GPR39: variants seen among roughly 807,000 people sequenced by gnomAD.
GPR39 encodes the protein G protein-coupled receptor 39.
GPR39 carries 23 observed loss-of-function variants against 18.4 expected under a neutral mutation model. The ratio of observed to expected loss-of-function variants is 1.25; its 90% CI spans 0.90 to 1.77. The LOEUF is 1.77. GPR39 is among the 40% of genes most tolerant of loss of function. GPR39 has a pLI of 0.00. For missense variants in GPR39, 647 were observed against 602.4 expected (o/e 1.07, Z -0.78); for synonymous variants, 280 against 257.9 (o/e 1.09, Z -0.82).
chr2:132,428,670 T>C (rs1310071747), intron 1 of GPR39, among the ~76,000 whole-genome samples: 3 of 152,210 alleles, frequency 2.0e-5, no homozygotes, highest in Admixed American at 2.0e-4. Context: ...ACCTATGTCC[T>C]AACATCAGGG....
intron 1 of GPR39, among the ~76,000 whole-genome samples, chr2:132,559,737 T>C (rs1442521846): frequency 6.6e-6 from 1 of 152,086 alleles, no homozygotes; most frequent in Non-Finnish European, 1.5e-5. Flanking sequence ...ACAAATACTG[T>C]CGTTGGAAAA....
At chr2:132,469,055 T>A (rs889312394) in intron 1 of GPR39, among the ~76,000 whole-genome samples, 1 of 152,338 alleles carries the variant, frequency 6.6e-6, no homozygotes, top group African/African-American at 2.4e-5. Context: ...TGGGAAGTTG[T>A]TCAGTTGATT....
At chr2:132,557,592 T>TGA (rs57544662) in intron 1 of GPR39, among the ~76,000 whole-genome samples, 72 of 148,380 alleles carry the variant, frequency 4.9e-4, no homozygotes, top group African/African-American at 7.2e-4. Flanking sequence ...AAAGAAAGGA[T>TGA]GAGAGAGAGA....
chr2:132,471,862 C>A (rs1485645654), intron 1 of GPR39, among the ~76,000 whole-genome samples: 1 of 152,072 alleles, frequency 6.6e-6, no homozygotes. Flanking sequence ...ATTTTATAAG[C>A]CTTTGCTCAG....
At chr2:132,536,735 A>G (rs1679763666) in intron 1 of GPR39, among the ~76,000 whole-genome samples, 1 of 152,196 alleles carries the variant, frequency 6.6e-6, no homozygotes, top group Non-Finnish European at 1.5e-5. Flanking sequence ...AACTTGTTTT[A>G]TGAATCTGGG....
rs908414089 is a variant in GPR39 at position 132,416,994 on chromosome 2, A to G, written c.-49A>G. The G allele has an allele frequency of 1.6e-5, 26 of 1,586,190 alleles. No homozygotes were observed. Among genetic ancestry groups the G allele is most frequent in the Non-Finnish European group, 2.2e-5 (26 of 1,165,166 alleles). On this transcript the variant is annotated 5_prime_UTR_variant, in exon 1 of 2. Coordinates refer to ENST00000329321, the MANE Select transcript of GPR39 (RefSeq NM_001508.3). ...AATTTTGGACGCTGCTGGGAGGAGA[A>G]AGGGAAGTTGAGAAAGTCTTTGGAC...
At chr2:132,436,284 G>A (rs4580433) in intron 1 of GPR39, among the ~76,000 whole-genome samples, 56,392 of 151,902 alleles carry the variant, frequency 0.37, 10,882 homozygotes, top group African/African-American at 0.49. Flanking sequence ...ATATCAAAAT[G>A]AATTTTTGGA....
In GPR39 at chr2:132,645,832, CTTCA is replaced by C; in HGVS notation, c.*227_*230del. On this transcript the variant is annotated 3_prime_UTR_variant, in exon 2 of 2. Transcript: ENST00000329321. ...GGTGAACTTTCACTCCACCTCCTTCCTTCAAGTACATACTGAAAATTCAGTCAGG... is the reference window on the plus strand; with the variant it reads ...GGTGAACTTTCACTCCACCTCCTTCCAGTACATACTGAAAATTCAGTCAGG... 1.5e-6 allele frequency: 1 copy of C among 677,642 alleles called. No individual in the cohort carries two copies. 42.0% of individuals were successfully genotyped at this position (677,642 alleles called of 1,614,324 possible). A position where few individuals can be genotyped will look rare whatever the true frequency, so the allele number is the denominator to read the frequency against.
At chr2:132,425,393 G>T (rs1046860688) in intron 1 of GPR39, among the ~76,000 whole-genome samples, 1 of 152,116 alleles carries the variant, frequency 6.6e-6, no homozygotes, top group African/African-American at 2.4e-5. Context: ...TTGCTTGAGA[G>T]ATTGATGGAT....
intron 1 of GPR39, among the ~76,000 whole-genome samples, chr2:132,451,549 A>G (rs984442942): frequency 6.6e-6 from 1 of 152,174 alleles, no homozygotes; most frequent in African/African-American, 2.4e-5. Context: ...AGGTTATTAT[A>G]TGACATGGGC....
chr2:132,577,510 T>G (rs1428702952), intron 1 of GPR39, among the ~76,000 whole-genome samples: 1 of 152,060 alleles, frequency 6.6e-6, no homozygotes. Flanking sequence ...ATATTGAGTC[T>G]TATAATTTAT....
chr2:132,601,438 A>G lies in GPR39; in HGVS notation c.857-43663A>G, dbSNP rs1184971661. Among the ~76,000 whole-genome samples the G allele has an allele frequency of 2.0e-5, 3 of 152,158 alleles. No individual in the cohort carries two copies. The East Asian group carries it at 5.8e-4, about 29-fold the overall frequency. The stretch of plus-strand genomic sequence containing the variant: ...TCCATCATGATAAAAACTCTAAAAA[A>G]CATTAGGTATAGAAGAAACATACCT... On this transcript the variant is annotated intron_variant, in intron 1 of 1. Coordinates refer to ENST00000329321, the MANE Select transcript of GPR39 (RefSeq NM_001508.3).
intron 1 of GPR39, among the ~76,000 whole-genome samples, chr2:132,484,464 G>A (rs1681293790): frequency 6.6e-6 from 1 of 152,220 alleles, no homozygotes. Context: ...GCAGGCATTT[G>A]CCAGATTAGG....
intron 1 of GPR39, among the ~76,000 whole-genome samples, chr2:132,549,510 C>T (rs370083941): frequency 4.8e-4 from 73 of 152,258 alleles, no homozygotes; most frequent in Middle Eastern, 3.4e-3. Flanking sequence ...TTCAGGAGGT[C>T]GGGCACGGTG....
At chr2:132,514,942 T>C (rs1679305471) in intron 1 of GPR39, among the ~76,000 whole-genome samples, 1 of 152,152 alleles carries the variant, frequency 6.6e-6, no homozygotes, top group Non-Finnish European at 1.5e-5. Context: ...CCAGCCAGAG[T>C]ATCTGCCACT....
At chr2:132,418,432 C>G (rs1249420073) in intron 1 of GPR39, 1 of 153,588 alleles carries the variant, frequency 6.5e-6, no homozygotes, top group Admixed American at 6.4e-5. Context: ...TATTTTATTC[C>G]TTGGAGCCTC....
Position 132,645,282 on chromosome 2 carries a change from G to C in GPR39, c.1038G>C (p.Val346=), listed in dbSNP as rs1681996417. 1 of 1,614,100 alleles carries C rather than the reference G, an allele frequency of 6.2e-7. No individual in the cohort carries two copies. The highest frequency in any genetic ancestry group is 8.5e-7 in the Non-Finnish European group (1 of 1,180,060). ...TCATCAACCCGCTCCTGTACACGGTGTCCTCGCAGCAGTTTCGGCGGGTGT... is the reference window on the plus strand; with the variant it reads ...TCATCAACCCGCTCCTGTACACGGTCTCCTCGCAGCAGTTTCGGCGGGTGT... ...SSVINPLLYT[V]SSQQFRRVFV... The change falls in exon 2 of 2, where the codon GTG becomes GTC. Residue 346 remains valine (V), a synonymous_variant. Transcript: ENST00000329321.
At chr2:132,419,420 C>T (rs911367108) in intron 1 of GPR39, among the ~76,000 whole-genome samples, 5 of 152,158 alleles carry the variant, frequency 3.3e-5, no homozygotes, top group African/African-American at 9.7e-5. Context: ...CTTTCACAGG[C>T]GTGTGGTGAA....
chr2:132,623,437 A>G (rs1240611429), intron 1 of GPR39, among the ~76,000 whole-genome samples: 1 of 152,198 alleles, frequency 6.6e-6, no homozygotes, highest in East Asian at 1.9e-4. Flanking sequence ...TAAGAAAAGA[A>G]TGGAGGGAGA....
Sources: allele counts gnomAD v4.1 joint callset (sites outside exome capture counted in the v4.1 genomes callset), GRCh38; gene constraint gnomAD v4.1.1; transcripts MANE v1.5; gene names NCBI Gene and HGNC (gene_info 2026-07-23, HGNC 2026-07-21).